CFAP61: variants seen among roughly 807,000 people sequenced by gnomAD.
The protein encoded by CFAP61 is cilia- and flagella-associated protein 61.
Under a neutral mutation model 135.6 loss-of-function variants are expected in CFAP61, and 107 were observed. The observed-to-expected ratio is 0.79, with a 90% CI of 0.67 to 0.93. CFAP61 has a LOEUF of 0.93. CFAP61 is among the 40% of genes least tolerant of loss of function. The pLI is 0.00. For missense variants in CFAP61, 1,507 were observed against 1,556.2 expected (o/e 0.97, Z 0.53); for synonymous variants, 575 against 578.5 (o/e 0.99, Z 0.09).
intron 25 of CFAP61, among the ~76,000 whole-genome samples, chr20:20,313,782 C>T (rs1388715305): frequency 3.3e-5 from 5 of 152,166 alleles, no homozygotes; most frequent in African/African-American, 1.2e-4. Flanking sequence ...GTTCTGCAAG[C>T]TGGGGAGTTC....
intron 8 of CFAP61, among the ~76,000 whole-genome samples, chr20:20,138,898 T>C (rs1186660905): frequency 6.6e-6 from 1 of 152,242 alleles, no homozygotes; most frequent in African/African-American, 2.4e-5. Context: ...CTGGCCTTCA[T>C]TCTGTTCTAT....
At chr20:20,127,538 G>T (rs1296097375) in intron 8 of CFAP61, among the ~76,000 whole-genome samples, 1 of 151,582 alleles carries the variant, frequency 6.6e-6, no homozygotes, top group Non-Finnish European at 1.5e-5. Flanking sequence ...GGCTGGTACG[G>T]GGGGTTGTCT....
At chr20:20,210,522 C>T (rs1261082757) in intron 17 of CFAP61, among the ~76,000 whole-genome samples, 1 of 152,214 alleles carries the variant, frequency 6.6e-6, no homozygotes, top group Non-Finnish European at 1.5e-5. Flanking sequence ...CTGTTGCCTG[C>T]AGCATCAGGA....
chr20:20,263,461 A>G (rs1459320156), intron 21 of CFAP61, among the ~76,000 whole-genome samples: 1 of 135,726 alleles, frequency 7.4e-6, no homozygotes, highest in African/African-American at 2.7e-5. Context: ...TAGCAATTAT[A>G]TGGAAAATAT....
At chr20:20,258,422 C>G (rs1044421274) in intron 20 of CFAP61, 1 of 152,098 alleles carries the variant, frequency 6.6e-6, no homozygotes, top group Non-Finnish European at 1.5e-5. Flanking sequence ...GACCTTCGTT[C>G]CTTGGAGTCC....
intron 17 of CFAP61, chr20:20,215,335 T>A (rs530031873): frequency 1.3e-5 from 2 of 152,364 alleles, no homozygotes; most frequent in South Asian, 4.1e-4. Flanking sequence ...CAAAAATTAT[T>A]CTTTGATAAG....
intron 10 of CFAP61, among the ~76,000 whole-genome samples, chr20:20,163,103 C>T (rs1288801767): frequency 6.6e-6 from 1 of 152,116 alleles, no homozygotes; most frequent in Non-Finnish European, 1.5e-5. Flanking sequence ...AAGTTCTGTT[C>T]AATGGGGGTA....
intron 18 of CFAP61, among the ~76,000 whole-genome samples, chr20:20,239,537 T>G (rs550256877): frequency 6.6e-6 from 1 of 152,246 alleles, no homozygotes; most frequent in Admixed American, 6.5e-5. Context: ...AAATGTACTA[T>G]GCAGAGGCGA....
At chr20:20,291,216 A>G (rs1451969212) in intron 24 of CFAP61, among the ~76,000 whole-genome samples, 5 of 152,206 alleles carry the variant, frequency 3.3e-5, no homozygotes. Flanking sequence ...GGTTGTGTAC[A>G]TTCTGTGGGT....
intron 1 of CFAP61, chr20:20,056,040 C>T (rs747766776): frequency 8.4e-6 from 13 of 1,556,520 alleles, no homozygotes; most frequent in South Asian, 4.6e-5. Context: ...CAAAGAGTGT[C>T]GGAAAGGCTG....
chr20:20,141,176 C>T (rs1317903299), intron 8 of CFAP61, among the ~76,000 whole-genome samples: 1 of 152,150 alleles, frequency 6.6e-6, no homozygotes, highest in African/African-American at 2.4e-5. Flanking sequence ...CTCCCTTGGC[C>T]TCCCAAAGTG....
chr20:20,183,100 C>T (rs1240775132), intron 13 of CFAP61, among the ~76,000 whole-genome samples: 3 of 151,196 alleles, frequency 2.0e-5, no homozygotes, highest in East Asian at 3.9e-4. Context: ...CAGAGTCTGC[C>T]AAAAAAAGGT....
intron 8 of CFAP61, among the ~76,000 whole-genome samples, chr20:20,134,895 G>A (rs1464159630): frequency 6.6e-6 from 1 of 151,972 alleles, no homozygotes; most frequent in African/African-American, 2.4e-5. Context: ...AGCCACAGGT[G>A]CCTATTAAAG....
intron 20 of CFAP61, among the ~76,000 whole-genome samples, chr20:20,254,290 G>A (rs1031958451): frequency 2.0e-5 from 3 of 149,870 alleles, no homozygotes; most frequent in African/African-American, 7.4e-5. Flanking sequence ...TGATATTTAA[G>A]TATTCCTCTG....
intron 22 of CFAP61, among the ~76,000 whole-genome samples, chr20:20,281,773 TA>T (rs983144678): frequency 1.3e-5 from 2 of 152,198 alleles, no homozygotes; most frequent in African/African-American, 4.8e-5. Context: ...GTTGGCCTTA[TA>T]AAAAAATTCG....
intron 25 of CFAP61, among the ~76,000 whole-genome samples, chr20:20,320,987 G>GA (rs1349313215): frequency 6.6e-6 from 1 of 151,234 alleles, no homozygotes; most frequent in Non-Finnish European, 1.5e-5. Context: ...GGAACAGTTT[G>GA]AAAAAAATTA....
At chr20:20,118,565 T>C (rs1600752846) in intron 8 of CFAP61, among the ~76,000 whole-genome samples, 1 of 152,112 alleles carries the variant, frequency 6.6e-6, no homozygotes, top group East Asian at 1.9e-4. Context: ...GGTCTCGAAC[T>C]CCTGACCTCA....
chr20:20,160,876 A>C (rs6046674), intron 10 of CFAP61, among the ~76,000 whole-genome samples: 1 of 152,132 alleles, frequency 6.6e-6, no homozygotes, highest in Admixed American at 6.5e-5. Context: ...TGGAGAATCA[A>C]TTTGCCAGCT....
intron 25 of CFAP61, among the ~76,000 whole-genome samples, chr20:20,325,507 C>T (rs1014804721): frequency 3.3e-5 from 5 of 152,180 alleles, no homozygotes; most frequent in East Asian, 1.9e-4. Flanking sequence ...GTAGTCCTTT[C>T]GGACTGGCTT....
Sources: allele counts gnomAD v4.1 joint callset (sites outside exome capture counted in the v4.1 genomes callset), GRCh38; gene constraint gnomAD v4.1.1; transcripts MANE v1.5; gene names NCBI Gene and HGNC (gene_info 2026-07-23, HGNC 2026-07-21).